The following CSMD2 variants were observed in gnomAD, a reference collection of about 807,000 sequenced individuals.
The protein encoded by CSMD2 is CUB and Sushi multiple domains 2.
In CSMD2, 130 loss-of-function variants were observed where a neutral mutation model predicts 398.5. The observed-to-expected ratio is 0.33, with a 90% CI of 0.28 to 0.38. The LOEUF (loss-of-function observed/expected upper bound fraction) is 0.38, where lower values mean the gene tolerates loss of function less well. CSMD2 is among the 10% of genes least tolerant of loss of function. The probability of loss-of-function intolerance (pLI) is 1.00; values close to 1 mark genes in which losing one functional copy is unlikely to be tolerated. For missense variants in CSMD2, 3,829 were observed against 4,764.9 expected (o/e 0.80, Z 5.78); for synonymous variants, 1,828 against 1,908.5 (o/e 0.96, Z 1.10).
At position 33,571,572 on chromosome 1, in the gene CSMD2, A is replaced by T. The variant is rs757420749; in HGVS notation, c.7917T>A (p.Asn2639Lys). The T allele has an allele frequency of 6.5e-7, 1 of 1,535,628 alleles. No individual in the cohort carries two copies. The highest frequency in any genetic ancestry group is 8.9e-7 in the Non-Finnish European group (1 of 1,128,512). ...TAGAGTCCCCGAGGCTCCATTTGCC[A>T]TTGGCCTGACAGCGGATGACCCTTT... Reference protein sequence around the residue: ...TGQRVIRCQANGKWSLGDSTP... With the variant: ...TGQRVIRCQAKGKWSLGDSTP... Residue 2639 changes from asparagine to lysine, a missense_variant, in exon 51 of 71, where the codon AAT (asparagine) becomes AAA (lysine). This residue lies in a region of CSMD2 where 723 missense variants were observed against 758.6 expected (regional missense o/e 0.95). Transcript: ENST00000373381.
chr1:33,837,089 CT>C (rs1456752778), intron 6 of CSMD2, among the ~76,000 whole-genome samples: 1 of 152,184 alleles, frequency 6.6e-6, no homozygotes, highest in Admixed American at 6.5e-5. Context: ...CAGTCACACC[CT>C]GAGTTATATA....
At chr1:33,739,078 G>T (rs1236320803) in intron 15 of CSMD2, 62 bp downstream of exon 15, 3 of 1,516,896 alleles carry the variant, frequency 2.0e-6, no homozygotes, top group Non-Finnish European at 1.8e-6. Context: ...TGGGCTGCTT[G>T]CTCCCCCTCC....
chr1:34,035,015 CT>C (rs1650934837), intron 2 of CSMD2, among the ~76,000 whole-genome samples: 1 of 152,040 alleles, frequency 6.6e-6, no homozygotes, highest in African/African-American at 2.4e-5. Flanking sequence ...CATTTTTCAC[CT>C]ATCTAGAGTT....
chr1:33,522,342 C>G (rs1415252013), intron 67 of CSMD2, among the ~76,000 whole-genome samples: 2 of 152,206 alleles, frequency 1.3e-5, no homozygotes, highest in Non-Finnish European at 2.9e-5. Context: ...GATCCCCATC[C>G]TCATCTTCCC....
At chr1:33,860,435 T>C (rs1444942998) in intron 5 of CSMD2, 1 of 152,156 alleles carries the variant, frequency 6.6e-6, no homozygotes, top group Non-Finnish European at 1.5e-5. Flanking sequence ...GATCTCAACA[T>C]GACCTGTTAT....
At chr1:33,908,085 CA>C (rs35932181) in intron 5 of CSMD2, among the ~76,000 whole-genome samples, 1,344 of 77,084 alleles carry the variant, frequency 0.017, 5 homozygotes, top group East Asian at 0.031. Context: ...GACTCCATCT[CA>C]AAAAAAAAAA....
chr1:33,883,904 G>C (rs1414342740), intron 5 of CSMD2, among the ~76,000 whole-genome samples: 9 of 152,338 alleles, frequency 5.9e-5, no homozygotes, highest in Admixed American at 5.9e-4. Flanking sequence ...GAAGGAGAGG[G>C]TCAGCCCTAG....
chr1:34,056,350 G>A (rs1185168445), intron 2 of CSMD2, among the ~76,000 whole-genome samples: 1 of 152,160 alleles, frequency 6.6e-6, no homozygotes, highest in Non-Finnish European at 1.5e-5. Context: ...AGTTCTCCAA[G>A]GTCAGGGCCT....
intron 3 of CSMD2, among the ~76,000 whole-genome samples, chr1:33,973,758 G>C (rs116379539): frequency 1.3e-5 from 2 of 152,332 alleles, no homozygotes; most frequent in African/African-American, 4.8e-5. Context: ...GGGTGCCTGA[G>C]CAGGGACAGG....
At chr1:33,670,087 C>T (rs1284515901) in intron 25 of CSMD2, among the ~76,000 whole-genome samples, 3 of 152,180 alleles carry the variant, frequency 2.0e-5, no homozygotes, top group Non-Finnish European at 4.4e-5. Context: ...AATTCTTCTA[C>T]CCCCTGACTG....
chr1:33,721,043 T>C (rs142876019), intron 19 of CSMD2, among the ~76,000 whole-genome samples: 1 of 152,298 alleles, frequency 6.6e-6, no homozygotes, highest in Non-Finnish European at 1.5e-5. Context: ...AATTAGGTGA[T>C]GCCTTTAAGT....
At chr1:34,013,481 TG>T (rs1348454814) in intron 3 of CSMD2, among the ~76,000 whole-genome samples, 1 of 152,190 alleles carries the variant, frequency 6.6e-6, no homozygotes, top group Non-Finnish European at 1.5e-5. Flanking sequence ...GAGCTCCTGC[TG>T]GGAGCTGGGC....
intron 13 of CSMD2, among the ~76,000 whole-genome samples, chr1:33,751,928 T>A (rs3118200): frequency 0.39 from 59,192 of 151,986 alleles, 13,289 homozygotes; most frequent in African/African-American, 0.62. Context: ...CCCAGCCAAG[T>A]TGGGTGTTTT....
intron 1 of CSMD2, among the ~76,000 whole-genome samples, chr1:34,124,196 T>TCATC (rs1458539422): frequency 7.2e-5 from 11 of 152,332 alleles, no homozygotes; most frequent in African/African-American, 2.6e-4. Context: ...ATTCATTCAT[T>TCATC]CATCCATCCA....
intron 21 of CSMD2, among the ~76,000 whole-genome samples, chr1:33,710,323 T>C (rs1645941970): frequency 6.6e-6 from 1 of 152,144 alleles, no homozygotes; most frequent in Non-Finnish European, 1.5e-5. Flanking sequence ...GTCAGTAACT[T>C]GAGGGCTAGG....
In CSMD2 at chr1:33,850,096, T is replaced by TACAC. The variant is rs1558001246; in HGVS notation, c.921-3104_921-3101dup. ...TGCAGTTGACATCCCTTCTGCCTGCTACACTGGCACTTCTCCCAGAACTCC... is the reference window on the plus strand; with the variant it reads ...TGCAGTTGACATCCCTTCTGCCTGCTACACACACTGGCACTTCTCCCAGAACTCC... On this transcript the variant is annotated intron_variant, in intron 5 of 70. Transcript: ENST00000373381. 3.3e-5 allele frequency among the ~76,000 whole-genome samples: 5 copies of TACAC among 152,136 alleles called. No individual in the cohort carries two copies. The South Asian group carries it at 1.0e-3, about 32-fold the overall frequency.
At chr1:34,087,475 G>T (rs1024843017) in intron 2 of CSMD2, among the ~76,000 whole-genome samples, 1 of 151,132 alleles carries the variant, frequency 6.6e-6, no homozygotes, top group Non-Finnish European at 1.5e-5. Context: ...CTGTCAGGGG[G>T]TTGGGGGCTA....
At chr1:34,080,858 C>G (rs1356841302) in intron 2 of CSMD2, among the ~76,000 whole-genome samples, 1 of 150,424 alleles carries the variant, frequency 6.6e-6, no homozygotes, top group Non-Finnish European at 1.5e-5. Context: ...AATGGATCAC[C>G]CTAGCATTGG....
intron 12 of CSMD2, among the ~76,000 whole-genome samples, chr1:33,773,262 C>T (rs921288532): frequency 2.6e-5 from 4 of 152,242 alleles, no homozygotes; most frequent in Non-Finnish European, 5.9e-5. Context: ...GCAGTTGAGG[C>T]TTTGCTCCCT....
Sources: allele counts gnomAD v4.1 joint callset (sites outside exome capture counted in the v4.1 genomes callset), GRCh38; gene constraint gnomAD v4.1.1; regional missense constraint gnomAD v4.1.1; transcripts MANE v1.5; gene names NCBI Gene and HGNC (gene_info 2026-07-23, HGNC 2026-07-21).